Variants in LRRC72 observed in about 807,000 individuals in gnomAD.
LRRC72 encodes the protein leucine-rich repeat-containing protein 72.
In LRRC72, 41 loss-of-function variants were observed where a neutral mutation model predicts 35.8. The observed-to-expected ratio is 1.15, with a 90% CI of 0.89 to 1.49. The LOEUF (loss-of-function observed/expected upper bound fraction) is 1.49, where lower values mean the gene tolerates loss of function less well. Among genes scored for constraint, LRRC72 ranks in the 40% most tolerant of loss-of-function variants. LRRC72 has a pLI of 0.00. For missense variants in LRRC72, 389 were observed against 330.7 expected, an observed-to-expected ratio of 1.18 and a Z score of -1.37; for synonymous variants, 118 against 119.2, an observed-to-expected ratio of 0.99 and a Z score of 0.07.
intron 3 of LRRC72, among the ~76,000 whole-genome samples, chr7:16,546,073 GA>G (rs911945572): frequency 1.2e-4 from 18 of 152,126 alleles, no homozygotes; most frequent in Admixed American, 1.0e-3. Flanking sequence ...AATAAACTTA[GA>G]AATTCTTAAA....
intron 7 of LRRC72, among the ~76,000 whole-genome samples, chr7:16,576,676 T>C (rs923635559): frequency 2.0e-5 from 3 of 152,194 alleles, no homozygotes; most frequent in Non-Finnish European, 4.4e-5. Flanking sequence ...TTTTCACCAA[T>C]TACCTATATG....
chr7:16,527,813 G>C (rs779932645), intron 1 of LRRC72, among the ~76,000 whole-genome samples: 2 of 152,156 alleles, frequency 1.3e-5, no homozygotes, highest in East Asian at 1.9e-4. Context: ...TTTATCATCA[G>C]AGAGGGCATT....
At chr7:16,567,133 C>T (rs1782859257) in intron 6 of LRRC72, among the ~76,000 whole-genome samples, 1 of 151,970 alleles carries the variant, frequency 6.6e-6, no homozygotes, top group African/African-American at 2.4e-5. Context: ...TTTAATCATC[C>T]TTGGTGATGT....
chr7:16,559,046 C>A, intron 5 of LRRC72, 47 bp downstream of exon 5: 3 of 1,106,342 alleles, frequency 2.7e-6, no homozygotes, highest in Non-Finnish European at 3.9e-6. Context: ...ATAGTATTAA[C>A]ATAAGACATT....
intron 7 of LRRC72, among the ~76,000 whole-genome samples, chr7:16,579,149 G>A (rs1246649316): frequency 6.6e-6 from 1 of 152,188 alleles, no homozygotes; most frequent in Non-Finnish European, 1.5e-5. Flanking sequence ...CTGTCTGGCT[G>A]ATGAATATGT....
At chr7:16,544,973 G>A (rs1282884028) in intron 3 of LRRC72, among the ~76,000 whole-genome samples, 1 of 152,140 alleles carries the variant, frequency 6.6e-6, no homozygotes, top group Non-Finnish European at 1.5e-5. Flanking sequence ...GAATAATTGA[G>A]ATATTTATAA....
At chr7:16,568,818 A>G (rs1378808241) in intron 7 of LRRC72, among the ~76,000 whole-genome samples, 7 of 152,236 alleles carry the variant, frequency 4.6e-5, no homozygotes, top group African/African-American at 1.7e-4. Context: ...GATTCACAAC[A>G]GACTCTCCAA....
At chr7:16,560,320 T>A (rs55873571) in intron 5 of LRRC72, among the ~76,000 whole-genome samples, 2,220 of 152,302 alleles carry the variant, frequency 0.015, 25 homozygotes, top group Non-Finnish European at 0.023. Context: ...GTTACTAAGG[T>A]TTCCATATAT....
At position 16,542,630 on chromosome 7, in the gene LRRC72, A is replaced by G. The variant is rs537148571; in HGVS notation, c.234+4934A>G. ...ATGGCTGCATTCTTTTGAGCTCCTG[A>G]TAAGCCTTTCCAAAGAAAGCAATCA... is the stretch of plus-strand genomic sequence containing the variant. On this transcript the variant is annotated intron_variant, in intron 3 of 8. Transcript: ENST00000401542. Among the ~76,000 whole-genome samples, 17 of 152,340 alleles carry G rather than the reference A, an allele frequency of 1.1e-4. No individual in the cohort carries two copies. The East Asian group carries it at 2.9e-3, about 26-fold the overall frequency.
chr7:16,569,829 G>A (rs1205090649), intron 7 of LRRC72, among the ~76,000 whole-genome samples: 1 of 151,968 alleles, frequency 6.6e-6, no homozygotes, highest in African/African-American at 2.4e-5. Context: ...TCAGGAGTTT[G>A]AGACCAGCCT....
intron 3 of LRRC72, among the ~76,000 whole-genome samples, chr7:16,553,375 GT>G (rs1782589854): frequency 6.6e-6 from 1 of 152,154 alleles, no homozygotes; most frequent in African/African-American, 2.4e-5. Flanking sequence ...TCTCGAGAAA[GT>G]TGTTTAACTT....
chr7:16,536,986 G>A (rs1162833604), intron 2 of LRRC72: 1 of 152,180 alleles, frequency 6.6e-6, no homozygotes, highest in Non-Finnish European at 1.5e-5. Flanking sequence ...TCCTCAGACA[G>A]TGCCCTCTCC....
intron 3 of LRRC72, among the ~76,000 whole-genome samples, chr7:16,547,579 T>A (rs1232252107): frequency 6.6e-6 from 1 of 152,172 alleles, no homozygotes; most frequent in African/African-American, 2.4e-5. Context: ...GGCTCAGAAG[T>A]GCCTCCTCCT....
intron 2 of LRRC72, among the ~76,000 whole-genome samples, chr7:16,535,464 A>G (rs1398627415): frequency 6.6e-6 from 1 of 152,192 alleles, no homozygotes; most frequent in Admixed American, 6.5e-5. Context: ...AAAGAATAAG[A>G]ACATTAGGAA....
intron 5 of LRRC72, among the ~76,000 whole-genome samples, chr7:16,562,415 T>A (rs1449449449): frequency 6.6e-6 from 1 of 152,232 alleles, no homozygotes; most frequent in East Asian, 1.9e-4. Flanking sequence ...ACTCTCCTGT[T>A]CTAAACCTTC....
chr7:16,540,020 G>C (rs1305155224), intron 3 of LRRC72, among the ~76,000 whole-genome samples: 1 of 152,188 alleles, frequency 6.6e-6, no homozygotes, highest in African/African-American at 2.4e-5. Flanking sequence ...GGAGTTGTGA[G>C]AAGAGGGCCA....
At chr7:16,527,270 C>T (rs905108381) in intron 1 of LRRC72, among the ~76,000 whole-genome samples, 2 of 152,196 alleles carry the variant, frequency 1.3e-5, no homozygotes, top group Non-Finnish European at 2.9e-5. Context: ...GAACCCCCCT[C>T]AGCATCTCTG....
chr7:16,553,702 C>T (rs891352887), intron 3 of LRRC72, among the ~76,000 whole-genome samples: 5 of 152,082 alleles, frequency 3.3e-5, no homozygotes, highest in African/African-American at 9.7e-5. Context: ...AGCCCCTGCC[C>T]CATCAACTCC....
intron 7 of LRRC72, 143 bp from the exon 8 acceptor site, chr7:16,579,931 G>C (rs34307908): frequency 0.013 from 2,418 of 190,408 alleles, 27 homozygotes; most frequent in Middle Eastern, 0.041. Context: ...AGGCATTTTT[G>C]ACAGATTGAA....
Sources: allele counts gnomAD v4.1 joint callset (sites outside exome capture counted in the v4.1 genomes callset), GRCh38; gene constraint gnomAD v4.1.1; transcripts MANE v1.5; gene names NCBI Gene and HGNC (gene_info 2026-07-23, HGNC 2026-07-21).